The following SMC1A variants were observed in gnomAD, a reference collection of about 807,000 sequenced individuals.
SMC1A encodes the protein structural maintenance of chromosomes protein 1A.
Under a neutral mutation model 94.5 loss-of-function variants are expected in SMC1A, and 4 were observed. The ratio of observed to expected loss-of-function variants is 0.04; its 90% CI spans 0.02 to 0.10. SMC1A has a LOEUF of 0.10. Among genes scored for constraint, SMC1A ranks in the 10% least tolerant of loss-of-function variants. The pLI, the probability that SMC1A is intolerant of heterozygous loss-of-function variation, is 1.00. For missense variants in SMC1A, 304 were observed against 989.0 expected (o/e 0.31, Z 9.29); for synonymous variants, 345 against 347.7 (o/e 0.99, Z 0.09).
chrX:53,377,994 GTC>G lies in SMC1A; in HGVS notation c.*2107_*2108del. 8.9e-6 allele frequency: 1 copy of G among 111,973 alleles called. No individual in the cohort carries two copies. Among genetic ancestry groups the G allele is most frequent in the Middle Eastern group, 4.6e-3 (1 of 216 alleles). The allele number at this position is 111,973 out of a possible 1,213,427, so 9.2% of individuals were successfully genotyped here. ...AAATTTATTTTGTTTTGATAGTTAT[GTC>G]TTTTAATATGTATTAGAAGAATACA... On this transcript the variant is annotated 3_prime_UTR_variant, in exon 25 of 25. Transcript: ENST00000322213.
At chrX:53,391,424 T>C (rs980178292) in intron 19 of SMC1A, among the ~76,000 whole-genome samples, 1 of 92,720 alleles carries the variant, frequency 1.1e-5, no homozygotes, top group Non-Finnish European at 2.1e-5. Flanking sequence ...TTCGAGACCA[T>C]CCTAGGCAAC....
chrX:53,401,558 T>C (rs1038267662), intron 15 of SMC1A, among the ~76,000 whole-genome samples: 17 of 111,585 alleles, frequency 1.5e-4, no homozygotes, highest in African/African-American at 4.6e-4. Flanking sequence ...CCAGTCTATA[T>C]ATTCATTTGA....
At chrX:53,397,912 G>A (rs2075657356) in intron 16 of SMC1A, among the ~76,000 whole-genome samples, 1 of 111,259 alleles carries the variant, frequency 9.0e-6, no homozygotes. Flanking sequence ...CAGGCCGGGC[G>A]TGGTGGCTCA....
chrX:53,409,364 AG>A, intron 8 of SMC1A, 56 bp downstream of exon 8: 1 of 1,149,385 alleles, frequency 8.7e-7, no homozygotes, highest in Non-Finnish European at 1.2e-6. Flanking sequence ...AGGGGCATGT[AG>A]GTAGGGTCAC....
intron 23 of SMC1A, 48 bp from the exon 24 acceptor site, chrX:53,380,778 TC>T: frequency 2.2e-6 from 2 of 909,746 alleles, no homozygotes; most frequent in Non-Finnish European, 3.2e-6. Context: ...ACCTTAACAG[TC>T]CCCAGTATTT....
At chrX:53,416,023 C>T (rs1051904800) in intron 1 of SMC1A, among the ~76,000 whole-genome samples, 6 of 110,437 alleles carry the variant, frequency 5.4e-5, no homozygotes, top group Non-Finnish European at 1.1e-4. Flanking sequence ...TAAAGTGGGC[C>T]GGGCATGGTG....
In SMC1A at chrX:53,422,447, G is replaced by A. The variant is rs1198318517; in HGVS notation, c.109+45C>T. 4 of 896,467 alleles carry A rather than the reference G, an allele frequency of 4.5e-6. No homozygotes were observed. The African/African-American group carries it at 5.8e-5, about 13-fold the overall frequency. The allele number at this position is 896,467 out of a possible 1,213,427, so 73.9% of individuals were successfully genotyped here. ...GTACTACTCCGGCACCGGATAAGGG[G>A]TCCAGGCCGGGACGTGCGCAGGGCC... On this transcript the variant is annotated intron_variant, in intron 1 of 24. Coordinates refer to ENST00000322213, the MANE Select transcript of SMC1A (RefSeq NM_006306.4).
intron 19 of SMC1A, 47 bp downstream of exon 19, chrX:53,394,730 CT>C: frequency 7.8e-6 from 4 of 511,561 alleles, no homozygotes; most frequent in South Asian, 2.6e-5. Flanking sequence ...GATAGTCCCA[CT>C]CCCACCCAAC....
At chrX:53,399,916 G>C (rs1207177843) in intron 15 of SMC1A, among the ~76,000 whole-genome samples, 186 bp from the exon 16 acceptor site, 1 of 111,329 alleles carries the variant, frequency 9.0e-6, no homozygotes, top group Non-Finnish European at 1.9e-5. Flanking sequence ...TGAAGCTGAA[G>C]AACTAAGTTC....
chrX:53,390,909 G>A (rs1044368970), intron 19 of SMC1A, among the ~76,000 whole-genome samples: 9 of 90,392 alleles, frequency 1.0e-4, no homozygotes, highest in Non-Finnish European at 1.5e-4. Context: ...GGAGAATGAC[G>A]TGAACCCGGG....
rs781783096 is a variant in SMC1A at position 53,382,042 on chromosome X, G to A, written c.3437+190C>T. On this transcript the variant is annotated intron_variant, in intron 22 of 24. Transcript: ENST00000322213. ...GCCGGTGAGGACATGCTGAGCAGAT[G>A]AGGGTGGATGGGGAAGACAGGTCCA... 4.5e-5 allele frequency: 22 copies of A among 493,401 alleles called. No homozygotes were observed. In the South Asian group the frequency reaches 6.4e-4, roughly 14 times the overall value. The allele number at this position is 493,401 out of a possible 1,213,427, so 40.7% of individuals were successfully genotyped here.
chrX:53,409,495 G>T lies in SMC1A; in HGVS notation c.1263C>A (p.Ile421=). The part of the protein sequence containing the change: ...ERKKVETEAK[I]KQKLREIEEN... ...CTTCAATTTCCCGCAGCTTTTGCTT[G>T]ATCTTGGCCTGGGAAACAAACATTC... Residue 421 remains isoleucine (I), a synonymous_variant, in exon 8 of 25, where the codon ATC becomes ATA. Coordinates refer to ENST00000322213, the MANE Select transcript of SMC1A (RefSeq NM_006306.4). The T allele has an allele frequency of 8.3e-7, 1 of 1,209,295 alleles. No homozygotes were observed. Among genetic ancestry groups the T allele is most frequent in the Non-Finnish European group, 1.1e-6 (1 of 893,555 alleles).
chrX:53,396,175 C>G, intron 18 of SMC1A, 52 bp downstream of exon 18: 2 of 1,176,124 alleles, frequency 1.7e-6, no homozygotes, highest in Middle Eastern at 2.4e-4. Flanking sequence ...CACTCCCCAT[C>G]CCTGGTTAAT....
chrX:53,392,640 G>A (rs2075634304), intron 19 of SMC1A, among the ~76,000 whole-genome samples: 1 of 110,961 alleles, frequency 9.0e-6, no homozygotes, highest in Non-Finnish European at 1.9e-5. Flanking sequence ...TAGAGACGGG[G>A]TTTCACCATG....
chrX:53,418,154 G>A (rs1227381502), intron 1 of SMC1A, among the ~76,000 whole-genome samples: 1 of 112,354 alleles, frequency 8.9e-6, no homozygotes, highest in Non-Finnish European at 1.9e-5. Flanking sequence ...AAACAAAAAA[G>A]GTTTCATTTA....
chrX:53,374,935 T>C lies in SMC1A; in HGVS notation c.*5168A>G, dbSNP rs1556885042. On this transcript the variant is annotated 3_prime_UTR_variant, in exon 25 of 25. Coordinates refer to ENST00000322213, the MANE Select transcript of SMC1A (RefSeq NM_006306.4). The stretch of plus-strand genomic sequence containing the variant: ...TGCCTCCCTGAAAGATCTGGTTGTT[T>C]CATACATTTGCCATTTGATACATGC... 8.9e-6 allele frequency: 1 copy of C among 112,863 alleles called. No homozygotes were observed. The highest frequency in any genetic ancestry group is 1.9e-5 in the Non-Finnish European group (1 of 53,362). 9.3% of individuals were successfully genotyped at this position (112,863 alleles called of 1,213,427 possible).
intron 19 of SMC1A, among the ~76,000 whole-genome samples, chrX:53,391,206 T>C (rs1344034176): frequency 9.2e-6 from 1 of 108,888 alleles, no homozygotes; most frequent in African/African-American, 3.3e-5. Context: ...TCCCAGCTAC[T>C]CAGGACGCTG....
Position 53,411,746 on chromosome X carries a change from A to G in SMC1A, c.1254+15T>C, listed in dbSNP as rs782009070. 8.3e-7 allele frequency: 1 copy of G among 1,209,217 alleles called. No individual in the cohort carries two copies. Among genetic ancestry groups the G allele is most frequent in the East Asian group, 3.0e-5 (1 of 33,851 alleles). On this transcript the variant is annotated intron_variant, in intron 7 of 24. Transcript: ENST00000322213. ...TCTGTGGACCATCATCCCTAATCTTATAACTATAGCCCACCTCTGTCTCTA... is the reference window on the plus strand; with the variant it reads ...TCTGTGGACCATCATCCCTAATCTTGTAACTATAGCCCACCTCTGTCTCTA...
chrX:53,385,520 C>T (rs1390687835), intron 19 of SMC1A, among the ~76,000 whole-genome samples: 2 of 109,524 alleles, frequency 1.8e-5, no homozygotes, highest in Non-Finnish European at 3.8e-5. Context: ...GTGATCCGCC[C>T]GCCTAGGCCT....
Sources: allele counts gnomAD v4.1 joint callset (sites outside exome capture counted in the v4.1 genomes callset), GRCh38; gene constraint gnomAD v4.1.1; transcripts MANE v1.5; gene names NCBI Gene and HGNC (gene_info 2026-07-23, HGNC 2026-07-21).